Variants in LAMA3 observed in about 807,000 individuals in gnomAD.
LAMA3 encodes the protein laminin subunit alpha 3.
In LAMA3, 281 loss-of-function variants were observed where a neutral mutation model predicts 402.0. The observed-to-expected ratio is 0.70, with a 90% CI of 0.63 to 0.77. The LOEUF (loss-of-function observed/expected upper bound fraction) is 0.77, where lower values mean the gene tolerates loss of function less well. LAMA3 is among the 30% of genes least tolerant of loss of function. The probability of loss-of-function intolerance (pLI) is 0.00; values close to 1 mark genes in which losing one functional copy is unlikely to be tolerated. For missense variants in LAMA3, 3,840 were observed against 4,215.5 expected (o/e 0.91, Z 2.47); for synonymous variants, 1,431 against 1,558.4 (o/e 0.92, Z 1.93).
intron 23 of LAMA3, among the ~76,000 whole-genome samples, chr18:23,832,981 CTT>C (rs2063515685): frequency 6.6e-6 from 1 of 152,080 alleles, no homozygotes; most frequent in South Asian, 2.1e-4. Context: ...TCAGAACAAT[CTT>C]AAGAGGGGGG....
intron 2 of LAMA3, among the ~76,000 whole-genome samples, chr18:23,722,511 T>C (rs1263606432): frequency 6.6e-6 from 1 of 152,254 alleles, no homozygotes; most frequent in Non-Finnish European, 1.5e-5. Context: ...TTCCACTGAA[T>C]TATATGTCTT....
At chr18:23,743,846 CTT>C (rs2061603956) in intron 2 of LAMA3, among the ~76,000 whole-genome samples, 1 of 152,212 alleles carries the variant, frequency 6.6e-6, no homozygotes, top group African/African-American at 2.4e-5. Context: ...AATACGATCT[CTT>C]TGAAAATGCA....
chr18:23,842,902 C>CAATA (rs945197484), intron 29 of LAMA3, 152 bp downstream of exon 29: 74 of 961,674 alleles, frequency 7.7e-5, no homozygotes, highest in Admixed American at 8.2e-5. Context: ...TTTTACCCCC[C>CAATA]AATAAATAAA....
intron 19 of LAMA3, among the ~76,000 whole-genome samples, chr18:23,820,895 G>GT (rs1264056629): frequency 2.6e-5 from 4 of 152,144 alleles, no homozygotes; most frequent in African/African-American, 9.7e-5. Flanking sequence ...TTCTAATGCT[G>GT]TTTTTTACCT....
chr18:23,870,355 T>C (rs1429758440), intron 37 of LAMA3, among the ~76,000 whole-genome samples: 1 of 151,424 alleles, frequency 6.6e-6, no homozygotes, highest in Admixed American at 6.6e-5. Flanking sequence ...GACAAGAGTG[T>C]GGTGAAATTG....
intron 37 of LAMA3, among the ~76,000 whole-genome samples, chr18:23,868,820 C>T (rs4800519): frequency 6.6e-6 from 1 of 152,046 alleles, no homozygotes; most frequent in East Asian, 1.9e-4. Context: ...GATCATAAAA[C>T]TTTTGTTATA....
chr18:23,799,427 G>A (rs1048834749), intron 12 of LAMA3, among the ~76,000 whole-genome samples: 3 of 152,152 alleles, frequency 2.0e-5, no homozygotes, highest in African/African-American at 4.8e-5. Flanking sequence ...AATGAGAAGC[G>A]TGTTGCCAGA....
chr18:23,884,930 A>AGC, intron 41 of LAMA3, 77 bp downstream of exon 41: 4 of 1,123,494 alleles, frequency 3.6e-6, no homozygotes, highest in Non-Finnish European at 5.2e-6. Flanking sequence ...AGGTGCTGGC[A>AGC]CAGAGCTAGG....
At chr18:23,810,266 G>A in intron 12 of LAMA3, 100 bp from the exon 13 acceptor site, 1 of 1,403,262 alleles carries the variant, frequency 7.1e-7, no homozygotes, top group Non-Finnish European at 1.0e-6. Flanking sequence ...TTGTGTTTGG[G>A]TCTTTCTGGC....
At chr18:23,815,361 T>C in intron 16 of LAMA3, 107 bp from the exon 17 acceptor site, 1 of 1,355,960 alleles carries the variant, frequency 7.4e-7, no homozygotes, top group Non-Finnish European at 1.1e-6. Context: ...CCTTTCCAGA[T>C]CCTGGCTACA....
At chr18:23,816,543 A>G in intron 18 of LAMA3, 56 bp downstream of exon 18, 1 of 1,397,092 alleles carries the variant, frequency 7.2e-7, no homozygotes, top group Non-Finnish European at 1.0e-6. Context: ...GGTCTTAGAC[A>G]TTCCTGCCTG....
intron 23 of LAMA3, among the ~76,000 whole-genome samples, chr18:23,831,093 C>T (rs547914860): frequency 1.3e-5 from 2 of 152,274 alleles, no homozygotes; most frequent in South Asian, 2.1e-4. Context: ...ATTCTCCTTC[C>T]ATCTCCCTTG....
In LAMA3 at chr18:23,705,589, A is replaced by G. The variant is rs192628634; in HGVS notation, c.295-8331A>G. The stretch of plus-strand genomic sequence containing the variant: ...ACCCAGGCTGTAGTGCAGTGATGCA[A>G]TCATGGCTCACTGCAGCCTCGACTT... On this transcript the variant is annotated intron_variant, in intron 1 of 74. Transcript: ENST00000313654. Among the ~76,000 whole-genome samples, 285 of 152,166 alleles carry G rather than the reference A, an allele frequency of 1.9e-3. 1 individual carries two copies. Among genetic ancestry groups the G allele is most frequent in the African/African-American group, 6.5e-3 (271 of 41,518 alleles).
chr18:23,819,850 C>A lies in LAMA3; in HGVS notation c.2157C>A (p.Asn719Lys), dbSNP rs762183755. 1 of 1,614,010 alleles carries A rather than the reference C, an allele frequency of 6.2e-7. No individual in the cohort carries two copies. The highest frequency in any genetic ancestry group is 8.5e-7 in the Non-Finnish European group (1 of 1,179,888). Residue 719 changes from asparagine to lysine, a missense_variant, in exon 19 of 75, where the codon AAC becomes AAA. Asn to Lys is a moderately conservative substitution (Grantham distance 94). This residue lies in a region of LAMA3 where 2,109 missense variants were observed against 2,376.0 expected (regional missense o/e 0.89). Transcript: ENST00000313654. ...VVGKVCQRPE[N>K]NYYFPDLHHM... ...TTTTTAATTATGAAAGGCCTGAAAA[C>A]AACTACTATTTCCCAGATTTGCATC...
In LAMA3 at chr18:23,899,436, T is replaced by C; in HGVS notation, c.5985T>C (p.Asp1995=). 6.2e-7 allele frequency: 1 copy of C among 1,614,058 alleles called. No homozygotes were observed. The highest frequency in any genetic ancestry group is 8.5e-7 in the Non-Finnish European group (1 of 1,180,002). ...FGKHLREAEA[D]KRESQLLLNR... ...AGCACCTCAGAGAAGCAGAAGCTGA[T>C]AAAAGGGAGTCGCAGCTCTGTAAGA... Residue 1995 remains aspartate (D), a synonymous_variant, in exon 47 of 75, where the codon GAT becomes GAC. Transcript: ENST00000313654.
chr18:23,736,935 C>G (rs2061485544), intron 2 of LAMA3, among the ~76,000 whole-genome samples: 1 of 152,202 alleles, frequency 6.6e-6, no homozygotes, highest in African/African-American at 2.4e-5. Context: ...ACCACCTACC[C>G]TCTTAAGACC....
intron 29 of LAMA3, among the ~76,000 whole-genome samples, chr18:23,844,037 C>A (rs1193498560): frequency 1.3e-5 from 2 of 152,230 alleles, no homozygotes; most frequent in Admixed American, 6.5e-5. Context: ...CTGAGTGAGC[C>A]TCCTCCTCTC....
Position 23,876,394 on chromosome 18 carries a change from C to A in LAMA3, c.5099C>A (p.Ser1700Ter). 6.2e-7 allele frequency: 1 copy of A among 1,608,576 alleles called. No homozygotes were observed. The highest frequency in any genetic ancestry group is 8.5e-7 in the Non-Finnish European group (1 of 1,174,908). The change falls in exon 39 of 75, where the codon TCA becomes TAA. Residue 1700 changes from serine to a stop codon, truncating the protein, a stop_gained. Coordinates refer to ENST00000313654, the MANE Select transcript of LAMA3 (RefSeq NM_198129.4). LOFTEE classifies it high-confidence loss of function. ...CATTCAAATCAATGCCAGGATGGCT[C>A]AGGCATATGTGTTGTGAGTAAATTG... ...NGHSNQCQDG[S>*]GICVNCQHNT...
intron 38 of LAMA3, chr18:23,872,977 C>A: frequency 1.2e-6 from 2 of 1,600,210 alleles, no homozygotes; most frequent in Non-Finnish European, 1.7e-6. Flanking sequence ...GGGCACTGAG[C>A]AGGAAGGGCA....
Sources: gnomAD v4.1 joint callset for allele counts (sites outside exome capture counted in the v4.1 genomes callset) on GRCh38, gnomAD v4.1.1 for gene constraint, gnomAD v4.1.1 regional missense constraint, MANE v1.5 for transcripts, NCBI Gene and HGNC (gene_info 2026-07-23, HGNC 2026-07-21) for gene names.